NAT1: variants seen among roughly 807,000 people sequenced by gnomAD.
NAT1 encodes the protein N-acetyltransferase 1.
For missense variants in NAT1, 400 were observed against 339.2 expected, an observed-to-expected ratio of 1.18 and a Z score of -1.41; for synonymous variants, 144 against 122.6, an observed-to-expected ratio of 1.17 and a Z score of -1.16.
intron 2 of NAT1, among the ~76,000 whole-genome samples, chr8:18,172,125 C>T (rs1281029839): frequency 6.6e-6 from 1 of 152,198 alleles, no homozygotes. Context: ...TGTAGCGTCA[C>T]AAGTAACAAC....
rs56379106 is a variant in NAT1, at chr8:18,222,237, C to T, written c.190C>T (p.Arg64Trp). ...TTTTGATCAAGTTGTGAGAAGAAAT[C>T]GGGGTGGATGGTGTCTCCAGGTCAA... ...AIFDQVVRRN[R>W]GGWCLQVNHL... is the part of the protein sequence containing the mutation. Residue 64 changes from arginine (R) to tryptophan (W), a missense_variant, in exon 3 of 3, where the codon CGG (arginine) becomes TGG (tryptophan). Coordinates refer to ENST00000307719, the MANE Select transcript of NAT1 (RefSeq NM_000662.8). 5.7e-3 allele frequency: 9,261 copies of T among 1,614,042 alleles called. 34 individuals are homozygous for T. The highest frequency in any genetic ancestry group is 7.3e-3 in the Non-Finnish European group (8,658 of 1,179,994).
upstream of NAT1, among the ~76,000 whole-genome samples, chr8:18,206,410 A>T (rs1049099020): frequency 2.6e-5 from 4 of 152,226 alleles, no homozygotes; most frequent in Admixed American, 2.6e-4. Context: ...CTAGTCAGCC[A>T]TCTTGCCCCC....
At chr8:18,217,826 G>C (rs1804838962) in intron 1 of NAT1, among the ~76,000 whole-genome samples, 1 of 152,142 alleles carries the variant, frequency 6.6e-6, no homozygotes, top group Admixed American at 6.5e-5. Context: ...AGGGAACATA[G>C]GGCTGTTGCA....
At chr8:18,171,160 C>T (rs1288533571) in intron 2 of NAT1, among the ~76,000 whole-genome samples, 2 of 152,174 alleles carry the variant, frequency 1.3e-5, no homozygotes, top group Non-Finnish European at 2.9e-5. Context: ...CTGACTGGGT[C>T]AGACAGAACT....
At chr8:18,199,922 A>G (rs1442785820) in intron 2 of NAT1, among the ~76,000 whole-genome samples, 1 of 152,206 alleles carries the variant, frequency 6.6e-6, no homozygotes, top group East Asian at 1.9e-4. Flanking sequence ...AAAATGCTCA[A>G]CATCACTAAT....
At chr8:18,184,104 G>A (rs932410837) in intron 2 of NAT1, among the ~76,000 whole-genome samples, 5 of 152,156 alleles carry the variant, frequency 3.3e-5, no homozygotes, top group African/African-American at 1.2e-4. Context: ...GACTCTCTGT[G>A]GTGGCCCCAC....
At chr8:18,179,215 C>G (rs190894993) in intron 2 of NAT1, among the ~76,000 whole-genome samples, 1 of 152,052 alleles carries the variant, frequency 6.6e-6, no homozygotes, top group African/African-American at 2.4e-5. Flanking sequence ...GTGTCTTAGT[C>G]GTTTGGCACA....
In NAT1 at chr8:18,210,132, G is replaced by T; in HGVS notation, c.-134G>T. ...GCACTTCCTCATAGACCTTGGATGT[G>T]GGAGGATTGCATTCAGTCTAGTTCC... On this transcript the variant is annotated 5_prime_UTR_variant, in exon 1 of 3. Transcript: ENST00000307719. 6.6e-6 allele frequency: 1 copy of T among 152,156 alleles called. No homozygotes were observed. The highest frequency in any genetic ancestry group is 1.9e-4 in the East Asian group (1 of 5,182). The allele number at this position is 152,156 out of a possible 1,614,324, so 9.4% of individuals were successfully genotyped here.
chr8:18,203,656 C>CT (rs1803574200), intron 2 of NAT1, among the ~76,000 whole-genome samples: 1 of 152,228 alleles, frequency 6.6e-6, no homozygotes, highest in Non-Finnish European at 1.5e-5. Context: ...CCTCACAGCT[C>CT]TGTCCTCCAT....
intron 2 of NAT1, 21 bp from the exon 3 acceptor site, chr8:18,222,021 C>T (rs752724550): frequency 1.5e-5 from 23 of 1,576,766 alleles, no homozygotes; most frequent in South Asian, 2.4e-5. Context: ...GATTTGCTTT[C>T]GTTTTGTTTT....
At chr8:18,218,525 G>T (rs767529496) in intron 1 of NAT1, among the ~76,000 whole-genome samples, 6 of 152,194 alleles carry the variant, frequency 3.9e-5, no homozygotes, top group Non-Finnish European at 8.8e-5. Context: ...TTACTCTGAG[G>T]AATGGGCTTT....
At chr8:18,212,953 G>A (rs1804249016) in intron 1 of NAT1, among the ~76,000 whole-genome samples, 1 of 150,688 alleles carries the variant, frequency 6.6e-6, no homozygotes, top group South Asian at 2.1e-4. Flanking sequence ...TGCTCAGGCT[G>A]GAGTGCAGTG....
chr8:18,205,720 G>A (rs1803686123), upstream of NAT1, among the ~76,000 whole-genome samples: 1 of 152,238 alleles, frequency 6.6e-6, no homozygotes, highest in Non-Finnish European at 1.5e-5. Flanking sequence ...AAGCTGCAGT[G>A]TGGAGAGGGT....
intron 2 of NAT1, among the ~76,000 whole-genome samples, chr8:18,192,970 C>G (rs1264139967): frequency 6.6e-6 from 1 of 150,748 alleles, no homozygotes; most frequent in Non-Finnish European, 1.5e-5. Flanking sequence ...TGCACATGTA[C>G]CCTAAAACTT....
chr8:18,188,723 C>T (rs187375665), intron 2 of NAT1, among the ~76,000 whole-genome samples: 2 of 151,502 alleles, frequency 1.3e-5, no homozygotes, highest in Non-Finnish European at 2.9e-5. Context: ...TCAGGCCGGG[C>T]GTGGTGGCTC....
intron 2 of NAT1, among the ~76,000 whole-genome samples, chr8:18,176,406 T>C (rs747378000): frequency 1.9e-4 from 29 of 152,270 alleles, no homozygotes; most frequent in Non-Finnish European, 4.1e-4. Context: ...CTTCTGCATA[T>C]GAGTGTGAGA....
intron 2 of NAT1, among the ~76,000 whole-genome samples, chr8:18,181,150 A>C (rs1563163019): frequency 6.6e-6 from 1 of 151,890 alleles, no homozygotes; most frequent in African/African-American, 2.4e-5. Context: ...ATATCTTTCC[A>C]TTTTTTGGGT....
At position 18,214,165 on chromosome 8, in the gene NAT1, A is replaced by ATT. The variant is rs760453715; in HGVS notation, c.-86+3986_-86+3987insTT. Among the ~76,000 whole-genome samples, 381 of 152,296 alleles carry ATT rather than the reference A, an allele frequency of 2.5e-3. 6 individuals are homozygous for ATT. Among genetic ancestry groups the ATT allele is most frequent in the Admixed American group, 0.015 (230 of 15,296 alleles). On this transcript the variant is annotated intron_variant, in intron 1 of 2. Coordinates refer to ENST00000307719, the MANE Select transcript of NAT1 (RefSeq NM_000662.8). ...AGCCAAAATGGCTTGTTCAAAAGCC[A>ATT]TAACTCTCATAACTTTTCTACTCTT...
At chr8:18,193,178 A>G (rs1803083702) in intron 2 of NAT1, among the ~76,000 whole-genome samples, 1 of 146,796 alleles carries the variant, frequency 6.8e-6, no homozygotes, top group Non-Finnish European at 1.5e-5. Context: ...TCCTGGGCTC[A>G]AGCAATCCTC....
Sources: allele counts gnomAD v4.1 joint callset (sites outside exome capture counted in the v4.1 genomes callset), GRCh38; gene constraint gnomAD v4.1.1; transcripts MANE v1.5; gene names NCBI Gene and HGNC (gene_info 2026-07-23, HGNC 2026-07-21).